Variants in MYO15A observed in about 807,000 individuals in gnomAD.
The protein encoded by MYO15A is myosin XVA.
Under a neutral mutation model 394.6 loss-of-function variants are expected in MYO15A, and 308 were observed. That is an observed-to-expected ratio of 0.78 (90% CI 0.71 to 0.86). The LOEUF is 0.86. Ranked by LOEUF, MYO15A falls within the 40% of genes least tolerant of loss-of-function variation. The pLI, the probability that MYO15A is intolerant of heterozygous loss-of-function variation, is 0.00. For synonymous variants in MYO15A, 1,957 were observed against 2,003.8 expected (o/e 0.98, Z 0.62); for missense variants, 4,606 against 4,799.1 (o/e 0.96, Z 1.19).
chr17:18,166,846 A>C (rs2046862665), intron 61 of MYO15A, among the ~76,000 whole-genome samples: 1 of 152,088 alleles, frequency 6.6e-6, no homozygotes, highest in African/African-American at 2.4e-5. Flanking sequence ...TCCTCCTCTG[A>C]ACATGGGCCT....
In MYO15A at chr17:18,120,215, C is replaced by T; in HGVS notation, c.1415C>T (p.Ser472Phe). The change falls in exon 2 of 66, where the codon TCC becomes TTC. Residue 472 changes from serine (S) to phenylalanine (F), a missense_variant. Coordinates refer to ENST00000647165, the MANE Select transcript of MYO15A (RefSeq NM_016239.4). ...GMDKPARSKL[S>F]LIRKFRLFPR... ...GATAAGCCCGCCAGGTCCAAGCTGT[C>T]CCTCATCCGCAAGTTCCGCCTCTTC... 1.2e-6 allele frequency: 2 copies of T among 1,612,812 alleles called. No individual in the cohort carries two copies. Among genetic ancestry groups the T allele is most frequent in the Non-Finnish European group, 1.7e-6 (2 of 1,179,896 alleles).
At chr17:18,166,197 C>T (rs1005945794) in intron 60 of MYO15A, among the ~76,000 whole-genome samples, 164 bp from the exon 61 acceptor site, 2 of 152,236 alleles carry the variant, frequency 1.3e-5, no homozygotes, top group African/African-American at 2.4e-5. Context: ...GACAAGCATG[C>T]TCTCCTTTAA....
Position 18,173,812 on chromosome 17 carries a change from T to C in MYO15A, c.10382T>C (p.Ile3461Thr), listed in dbSNP as rs779091810. The change falls in exon 65 of 66, where the codon ATC becomes ACC. Residue 3461 changes from isoleucine to threonine, a missense_variant. Physicochemically the swap from Ile to Thr is moderately conservative, Grantham distance 89. Around this residue, in one of 2 missense-constraint regions of MYO15A, gnomAD observed 2,776 missense variants for 3,109.3 expected, o/e 0.89. Coordinates refer to ENST00000647165, the MANE Select transcript of MYO15A (RefSeq NM_016239.4). ...ELMVKFPLKEIQSTRTQRPTA... is the reference protein window; with the variant it reads ...ELMVKFPLKETQSTRTQRPTA... ...ATGGTGAAGTTCCCCCTGAAGGAGATCCAGTCGACGCGGACCCAGCGGCCC... is the reference window on the plus strand; with the variant it reads ...ATGGTGAAGTTCCCCCTGAAGGAGACCCAGTCGACGCGGACCCAGCGGCCC... The C allele has an allele frequency of 1.9e-6, 3 of 1,613,950 alleles. No individual in the cohort carries two copies. The South Asian group carries it at 3.3e-5, about 18-fold the overall frequency.
At position 18,155,337 on chromosome 17, in the gene MYO15A, G is replaced by A; in HGVS notation, c.8364G>A (p.Gln2788=). 1 of 1,613,804 alleles carries A rather than the reference G, an allele frequency of 6.2e-7. No individual in the cohort carries two copies. The highest frequency in any genetic ancestry group is 1.3e-5 in the African/African-American group (1 of 75,070). Residue 2788 remains glutamine (Q), a synonymous_variant, in exon 47 of 66, where the codon CAG becomes CAA. Coordinates refer to ENST00000647165, the MANE Select transcript of MYO15A (RefSeq NM_016239.4). ...AGGGCAGCGTGGGCACTGGTGTGCA[G>A]CTCCTAGCTGTGTCCCACGTGGGCA... ...PATGSVGTGV[Q]LLAVSHVGIK...
Position 18,136,675 on chromosome 17 carries a change from T to C in MYO15A, c.4768T>C (p.Tyr1590His). ...DTLSIAILDI[Y>H]GFEDLSFNSF... is the part of the protein sequence containing the mutation. ...ACTGTCCATCGCCATCCTGGACATC[T>C]ATGGTTTCGAGGTGGGGCCGTGTAG... Residue 1590 changes from tyrosine to histidine, a missense_variant, in exon 15 of 66, where the codon TAT becomes CAT. Coordinates refer to ENST00000647165, the MANE Select transcript of MYO15A (RefSeq NM_016239.4). 6.2e-7 allele frequency: 1 copy of C among 1,607,530 alleles called. No individual in the cohort carries two copies. Among genetic ancestry groups the C allele is most frequent in the Non-Finnish European group, 8.5e-7 (1 of 1,178,154 alleles).
chr17:18,151,585 C>G, intron 40 of MYO15A, 58 bp downstream of exon 40: 1 of 1,606,700 alleles, frequency 6.2e-7, no homozygotes, highest in Non-Finnish European at 8.5e-7. Context: ...GAGTGTCCAT[C>G]ATGGCCCACC....
rs753702090 is a variant in MYO15A, at chr17:18,143,766, G to A, written c.6016G>A (p.Glu2006Lys). 5 of 1,594,712 alleles carry A rather than the reference G, an allele frequency of 3.1e-6. No individual in the cohort carries two copies. The South Asian group carries it at 4.6e-5, about 15-fold the overall frequency. The change falls in exon 27 of 66, where the codon GAG becomes AAG. Residue 2006 changes from glutamate (E) to lysine (K), a missense_variant. By Grantham distance (56) the Glu-to-Lys change is moderately conservative. This residue lies in a region of MYO15A where 2,776 missense variants were observed against 3,109.3 expected (regional missense o/e 0.89). Transcript: ENST00000647165. ...TGTGGGGCACCTGGAGGTACCGGCT[G>A]AGCTGGCTGGGCTCTTGCAAGCAGT... Reference protein sequence around the residue: ...VAVGHLEVPAELAGLLQAVAG... With the variant: ...VAVGHLEVPAKLAGLLQAVAG...
At chr17:18,126,513 T>C (rs939147005) in intron 5 of MYO15A, 57 bp downstream of exon 5, 19 of 1,505,750 alleles carry the variant, frequency 1.3e-5, no homozygotes, top group Non-Finnish European at 1.7e-5. Flanking sequence ...TCCCCTGCTC[T>C]GGGAGCCTGG....
Position 18,122,065 on chromosome 17 carries a change from G to A in MYO15A, c.3265G>A (p.Ala1089Thr). Reference sequence around the variant, plus strand: ...CTGGGGAACACTGCCCCAAGCCGCAGCCCCCTTGGCGCCCATCAGGGCCCC... The same window carrying A: ...CTGGGGAACACTGCCCCAAGCCGCAACCCCCTTGGCGCCCATCAGGGCCCC... ...HRWGTLPQAA[A>T]PLAPIRAPEP... Residue 1089 changes from alanine (A) to threonine (T), a missense_variant, in exon 2 of 66, where the codon GCC (alanine) becomes ACC (threonine). This residue lies in a region of MYO15A where 1,830 missense variants were observed against 1,689.7 expected (regional missense o/e 1.08). Transcript: ENST00000647165. 2.5e-6 allele frequency: 4 copies of A among 1,612,850 alleles called. No homozygotes were observed. The highest frequency in any genetic ancestry group is 3.4e-6 in the Non-Finnish European group (4 of 1,179,974).
At position 18,178,770 on chromosome 17, in the gene MYO15A, G is replaced by T. The variant is rs1404397410; in HGVS notation, c.10493G>T (p.Gly3498Val). The T allele has an allele frequency of 1.9e-6, 3 of 1,613,914 alleles. No homozygotes were observed. Among genetic ancestry groups the T allele is most frequent in the Non-Finnish European group, 2.5e-6 (3 of 1,180,008 alleles). The change falls in exon 66 of 66, where the codon GGA (glycine) becomes GTA (valine). Residue 3498 changes from glycine to valine, a missense_variant and splice_region_variant. Gly to Val is a moderately radical substitution (Grantham distance 109). This residue lies in a region of MYO15A where 2,776 missense variants were observed against 3,109.3 expected (regional missense o/e 0.89). Coordinates refer to ENST00000647165, the MANE Select transcript of MYO15A (RefSeq NM_016239.4). ...QRTLQLQLEQ[G>V]LELCRVVAVH... ...GTGGACTGTCACTGTCACCTGCAGG[G>T]ACTGGAACTGTGTCGTGTGGTGGCC...
rs735960 is a variant in MYO15A at position 18,153,987 on chromosome 17, G to A, written c.8088+91G>A. 0.18 allele frequency: 287,618 copies of A among 1,606,058 alleles called. 27,172 individuals are homozygous for A. Among genetic ancestry groups the A allele is most frequent in the Middle Eastern group, 0.28 (1,627 of 5,870 alleles). ...GAGGAGGGTCTAGGACTTGGGGAGGGAGCCCAGGAGGACAGAAAAAGGCCG... is the reference window on the plus strand; with the variant it reads ...GAGGAGGGTCTAGGACTTGGGGAGGAAGCCCAGGAGGACAGAAAAAGGCCG... On this transcript the variant is annotated intron_variant, in intron 43 of 65. Coordinates refer to ENST00000647165, the MANE Select transcript of MYO15A (RefSeq NM_016239.4). The surrounding 1 kb of genome is among the most constrained non-coding windows in gnomAD (Gnocchi z 4.1).
chr17:18,178,965 G>A lies in MYO15A; in HGVS notation c.*95G>A, dbSNP rs1597831293. The A allele has an allele frequency of 7.8e-7, 1 of 1,282,268 alleles. No individual in the cohort carries two copies. The highest frequency in any genetic ancestry group is 1.9e-5 in the Admixed American group (1 of 52,514). 79.4% of individuals were successfully genotyped at this position (1,282,268 alleles called of 1,614,324 possible). ...CTCTCAGGATCAATGACCCCTGTAA[G>A]GGGCCAGAGCCTTGGAGGACACTAA... On this transcript the variant is annotated 3_prime_UTR_variant, in exon 66 of 66. Transcript: ENST00000647165.
intron 62 of MYO15A, among the ~76,000 whole-genome samples, chr17:18,171,144 A>G (rs966270817): frequency 6.6e-6 from 1 of 152,170 alleles, no homozygotes; most frequent in African/African-American, 2.4e-5. Flanking sequence ...TGTCAGAGGG[A>G]AGAGGGCTGG....
intron 15 of MYO15A, 49 bp downstream of exon 15, chr17:18,136,735 G>GC: frequency 6.5e-7 from 1 of 1,544,058 alleles, no homozygotes; most frequent in Non-Finnish European, 8.7e-7. Flanking sequence ...GCAAGGTCTC[G>GC]CCTCCCTCAG....
chr17:18,125,221 A>G lies in MYO15A; in HGVS notation c.3746A>G (p.Asn1249Ser). The G allele has an allele frequency of 6.2e-7, 1 of 1,614,078 alleles. No homozygotes were observed. Among genetic ancestry groups the G allele is most frequent in the Non-Finnish European group, 8.5e-7 (1 of 1,180,004 alleles). The change falls in exon 4 of 66, where the codon AAC (asparagine) becomes AGC (serine). Residue 1249 changes from asparagine (N) to serine (S), a missense_variant. Coordinates refer to ENST00000647165, the MANE Select transcript of MYO15A (RefSeq NM_016239.4). ...LSNLKIRFER[N>S]LIYTYIGSIL... ...AACCTCAAGATTAGATTTGAACGGA[A>G]CCTCATCTACGTAAGGCCTGGGGCT...
intron 15 of MYO15A, 99 bp from the exon 16 acceptor site, chr17:18,137,485 C>A: frequency 1.0e-6 from 1 of 1,004,938 alleles, no homozygotes; most frequent in Non-Finnish European, 1.5e-6. Context: ...GGGCCTGTGG[C>A]TGAGCTCCAG....
chr17:18,154,257 T>C (rs2046636565), intron 44 of MYO15A, 67 bp downstream of exon 44: 4 of 1,571,748 alleles, frequency 2.5e-6, no homozygotes. Context: ...AAAGATGAGC[T>C]AGCTGCAAAG....
chr17:18,120,084 C>A lies in MYO15A; in HGVS notation c.1284C>A (p.Ala428=). 1.2e-6 allele frequency: 2 copies of A among 1,612,670 alleles called. No individual in the cohort carries two copies. Among genetic ancestry groups the A allele is most frequent in the East Asian group, 2.2e-5 (1 of 44,856 alleles). ...CGCCCCACAACCCGTATGCCCACGCCATGGATGACATCGCCGAGCTGGAGG... is the reference window on the plus strand; with the variant it reads ...CGCCCCACAACCCGTATGCCCACGCAATGGATGACATCGCCGAGCTGGAGG... ...IPSPHNPYAH[A]MDDIAELEEP... The change falls in exon 2 of 66, where the codon GCC becomes GCA. Residue 428 remains alanine (A), a synonymous_variant. Transcript: ENST00000647165.
chr17:18,131,347 G>T lies in MYO15A; in HGVS notation c.4142+5G>T. On this transcript the variant is annotated splice_donor_5th_base_variant and intron_variant, in intron 9 of 65. Coordinates refer to ENST00000647165, the MANE Select transcript of MYO15A (RefSeq NM_016239.4). The stretch of plus-strand genomic sequence containing the variant: ...TGTGGAAATCTTTCTGGAAGGGTGA[G>T]TTGGGACAGTGGAGGGCCTCCCAAA... 6.2e-7 allele frequency: 1 copy of T among 1,614,044 alleles called. No individual in the cohort carries two copies. The highest frequency in any genetic ancestry group is 8.5e-7 in the Non-Finnish European group (1 of 1,179,926).
Sources: allele counts gnomAD v4.1 joint callset (sites outside exome capture counted in the v4.1 genomes callset), GRCh38; gene constraint gnomAD v4.1.1; regional missense constraint gnomAD v4.1.1; non-coding constraint Gnocchi (gnomAD v3.1); transcripts MANE v1.5; gene names NCBI Gene and HGNC (gene_info 2026-07-23, HGNC 2026-07-21).